Variants in RRAS2 observed in about 807,000 individuals in gnomAD.
RRAS2 encodes the protein RAS related 2.
Under a neutral mutation model 27.6 loss-of-function variants are expected in RRAS2, and 7 were observed. The ratio of observed to expected loss-of-function variants is 0.25; its 90% CI spans 0.14 to 0.48. RRAS2 has a LOEUF of 0.48. RRAS2 is among the 20% of genes least tolerant of loss of function. The probability of loss-of-function intolerance (pLI) is 0.99; values close to 1 mark genes in which losing one functional copy is unlikely to be tolerated. For missense variants in RRAS2, 178 were observed against 256.2 expected (o/e 0.69, Z 2.08); for synonymous variants, 86 against 90.9 (o/e 0.95, Z 0.31).
intron 1 of RRAS2, among the ~76,000 whole-genome samples, chr11:14,352,821 A>G (rs1474261700): frequency 6.6e-6 from 1 of 150,646 alleles, no homozygotes; most frequent in African/African-American, 2.4e-5. Flanking sequence ...TTTGAGATAT[A>G]GTCTTGCTGT....
chr11:14,311,927 C>T (rs1343850717), intron 1 of RRAS2, among the ~76,000 whole-genome samples: 1 of 151,804 alleles, frequency 6.6e-6, no homozygotes, highest in Non-Finnish European at 1.5e-5. Context: ...TGCAATGGCT[C>T]AGTCTCGGCT....
chr11:14,332,834 A>C (rs1295476095), intron 1 of RRAS2, among the ~76,000 whole-genome samples: 2 of 152,230 alleles, frequency 1.3e-5, no homozygotes, highest in Non-Finnish European at 2.9e-5. Flanking sequence ...AAATCATACA[A>C]GGAAAAAAAA....
At chr11:14,351,586 C>T (rs958991462) in intron 1 of RRAS2, among the ~76,000 whole-genome samples, 3 of 152,002 alleles carry the variant, frequency 2.0e-5, no homozygotes, top group African/African-American at 4.8e-5. Context: ...AATTAGTAGC[C>T]GGGCATGGTG....
intron 1 of RRAS2, among the ~76,000 whole-genome samples, chr11:14,353,506 T>C (rs1849008543): frequency 6.6e-6 from 1 of 151,928 alleles, no homozygotes; most frequent in African/African-American, 2.4e-5. Context: ...GGAGAATCGC[T>C]TGAACCTAGG....
rs1294707522 is a variant in RRAS2 at position 14,297,188 on chromosome 11, T to C, written c.109-1333A>G. The stretch of plus-strand genomic sequence containing the variant: ...TTTGGACTGACTTCCTCAAAGCCCA[T>C]TTTCCCACTGGCTCATTACAAAATC... On this transcript the variant is annotated intron_variant, in intron 1 of 5. Coordinates refer to ENST00000256196, the MANE Select transcript of RRAS2 (RefSeq NM_012250.6). 2.0e-5 allele frequency among the ~76,000 whole-genome samples: 3 copies of C among 152,292 alleles called. No homozygotes were observed. The East Asian group carries it at 5.8e-4, about 29-fold the overall frequency.
At chr11:14,283,423 T>C (rs543445857) in intron 4 of RRAS2, among the ~76,000 whole-genome samples, 7 of 152,366 alleles carry the variant, frequency 4.6e-5, no homozygotes, top group South Asian at 2.1e-4. Flanking sequence ...TGGCTTCACA[T>C]AAGTTGCAAA....
At chr11:14,307,693 G>A (rs1292541752) in intron 1 of RRAS2, among the ~76,000 whole-genome samples, 6 of 151,236 alleles carry the variant, frequency 4.0e-5, no homozygotes, top group Non-Finnish European at 8.8e-5. Context: ...CATAGCCTGC[G>A]ACAGTTTAAA....
chr11:14,307,552 A>C (rs1796264476), intron 1 of RRAS2, among the ~76,000 whole-genome samples: 1 of 152,010 alleles, frequency 6.6e-6, no homozygotes, highest in South Asian at 2.1e-4. Flanking sequence ...TTTACAGATG[A>C]GACCATTGAG....
At chr11:14,340,646 C>A (rs1848685268) in intron 1 of RRAS2, among the ~76,000 whole-genome samples, 1 of 152,112 alleles carries the variant, frequency 6.6e-6, no homozygotes, top group Non-Finnish European at 1.5e-5. Flanking sequence ...AAAATCAATA[C>A]CGTAAGAGTT....
chr11:14,355,928 T>C (rs532271229), intron 1 of RRAS2, among the ~76,000 whole-genome samples: 5 of 152,300 alleles, frequency 3.3e-5, no homozygotes, highest in Admixed American at 2.6e-4. Context: ...AGCTACCCTA[T>C]TAAGTGTAAA....
intron 1 of RRAS2, among the ~76,000 whole-genome samples, chr11:14,314,863 A>G (rs2133988309): frequency 6.6e-6 from 1 of 152,066 alleles, no homozygotes; most frequent in African/African-American, 2.4e-5. Context: ...TAATTTTTGT[A>G]TTTTTAGTAG....
chr11:14,347,966 G>C (rs782800357), intron 1 of RRAS2, among the ~76,000 whole-genome samples: 4 of 152,074 alleles, frequency 2.6e-5, no homozygotes, highest in Non-Finnish European at 5.9e-5. Context: ...AAGGGAGGAA[G>C]TTATTATGCT....
intron 1 of RRAS2, among the ~76,000 whole-genome samples, chr11:14,330,678 T>C (rs1002069216): frequency 6.6e-6 from 1 of 152,186 alleles, no homozygotes; most frequent in Non-Finnish European, 1.5e-5. Context: ...TTTCAGATGA[T>C]ATAAATATTC....
intron 1 of RRAS2, among the ~76,000 whole-genome samples, chr11:14,341,042 C>A (rs781976250): frequency 7.2e-5 from 11 of 152,038 alleles, no homozygotes; most frequent in Non-Finnish European, 1.5e-4. Context: ...TTTTCTAATC[C>A]CATGATGAAA....
At chr11:14,350,908 G>A (rs781962088) in intron 1 of RRAS2, among the ~76,000 whole-genome samples, 10 of 152,042 alleles carry the variant, frequency 6.6e-5, no homozygotes, top group Non-Finnish European at 2.9e-5. Context: ...CTTTTTCACA[G>A]GTGCATAATG....
chr11:14,332,255 A>G (rs1450222287), intron 1 of RRAS2, among the ~76,000 whole-genome samples: 1 of 152,242 alleles, frequency 6.6e-6, no homozygotes, highest in African/African-American at 2.4e-5. Flanking sequence ...GTTAATGAAC[A>G]TTGGAAACAA....
At chr11:14,287,938 A>T (rs1167227990) in intron 4 of RRAS2, among the ~76,000 whole-genome samples, 2 of 152,220 alleles carry the variant, frequency 1.3e-5, no homozygotes, top group East Asian at 1.9e-4. Flanking sequence ...CTACATGATA[A>T]AACAATCCTG....
At chr11:14,349,318 ATTTT>A (rs782247910) in intron 1 of RRAS2, among the ~76,000 whole-genome samples, 1 of 138,966 alleles carries the variant, frequency 7.2e-6, no homozygotes, top group East Asian at 2.1e-4. Context: ...CACCCGGCTA[ATTTT>A]TTTTTTTTTT....
At chr11:14,289,948 A>T (rs1471189336) in intron 4 of RRAS2, among the ~76,000 whole-genome samples, 1 of 152,210 alleles carries the variant, frequency 6.6e-6, no homozygotes, top group Non-Finnish European at 1.5e-5. Context: ...TCTAAGACAA[A>T]GGTAGAAAAA....
Sources: allele counts gnomAD v4.1 joint callset (sites outside exome capture counted in the v4.1 genomes callset), GRCh38; gene constraint gnomAD v4.1.1; transcripts MANE v1.5; gene names NCBI Gene and HGNC (gene_info 2026-07-23, HGNC 2026-07-21).